FOCAD: variants seen among roughly 807,000 people sequenced by gnomAD.
FOCAD encodes the protein KIAA1797.
A neutral mutation model predicts 225.6 loss-of-function variants in FOCAD; 198 were observed. The observed-to-expected ratio is 0.88, with a 90% CI of 0.78 to 0.99. The LOEUF (loss-of-function observed/expected upper bound fraction) is 0.99, where lower values mean the gene tolerates loss of function less well. Ranked by LOEUF, FOCAD falls within the 50% of genes least tolerant of loss-of-function variation. FOCAD has a pLI of 0.00. For missense variants in FOCAD, 2,713 were observed against 2,123.6 expected, an observed-to-expected ratio of 1.28 and a Z score of -5.46; for synonymous variants, 897 against 755.0, an observed-to-expected ratio of 1.19 and a Z score of -3.08.
At chr9:20,895,553 C>T (rs1006620113) in intron 21 of FOCAD, among the ~76,000 whole-genome samples, 1 of 151,358 alleles carries the variant, frequency 6.6e-6, no homozygotes, top group Non-Finnish European at 1.5e-5. Context: ...ATATATATGT[C>T]TGCGCATATA....
chr9:20,986,387 C>A lies in FOCAD; in HGVS notation c.4828C>A (p.His1610Asn), dbSNP rs1214093027. Residue 1610 changes from histidine (H) to asparagine (N), a missense_variant, in exon 40 of 44, where the codon CAC becomes AAC. Transcript: ENST00000338382. ...CGATATGCTGAGCGTTGCTGTGCAG[C>A]ACCGTGAGAAAGAGGTGTTGGCCTG... ...LTDMLSVAVQ[H>N]REKEVLAWMI... 1.2e-6 allele frequency: 2 copies of A among 1,611,044 alleles called. No individual in the cohort carries two copies.
intron 21 of FOCAD, among the ~76,000 whole-genome samples, chr9:20,901,192 A>G (rs3086566): frequency 1.5e-3 from 157 of 105,756 alleles, no homozygotes; most frequent in East Asian, 5.9e-3. Context: ...TGTGGAAACA[A>G]TGTGTGTGTG....
chr9:20,838,864 G>T (rs1032340236), intron 15 of FOCAD, among the ~76,000 whole-genome samples: 11 of 152,114 alleles, frequency 7.2e-5, no homozygotes, highest in Non-Finnish European at 1.6e-4. Flanking sequence ...GGTATGGAAA[G>T]AAAATATTAG....
chr9:20,700,222 A>G (rs1229122618), intron 1 of FOCAD, among the ~76,000 whole-genome samples: 1 of 152,038 alleles, frequency 6.6e-6, no homozygotes, highest in African/African-American at 2.4e-5. Context: ...TTTTTAAAGG[A>G]TTGTAATAAA....
At chr9:20,710,405 C>G (rs976414893) in intron 1 of FOCAD, among the ~76,000 whole-genome samples, 24 of 151,598 alleles carry the variant, frequency 1.6e-4, no homozygotes, top group Middle Eastern at 3.4e-3. Context: ...AGACCAGCCT[C>G]GCCAACATGG....
At chr9:20,887,253 G>A (rs888109303) in intron 21 of FOCAD, among the ~76,000 whole-genome samples, 5 of 125,482 alleles carry the variant, frequency 4.0e-5, no homozygotes. Context: ...TTTTTTTTTT[G>A]AGATGAAGTC....
intron 21 of FOCAD, among the ~76,000 whole-genome samples, chr9:20,896,262 A>C (rs887332764): frequency 2.0e-5 from 3 of 151,782 alleles, no homozygotes; most frequent in South Asian, 2.1e-4. Context: ...TAATTTGCGT[A>C]TATTTTGTTG....
At position 20,898,889 on chromosome 9, in the gene FOCAD, C is replaced by T. The variant is rs368611951; in HGVS notation, c.2626-8261C>T. Among the ~76,000 whole-genome samples the T allele has an allele frequency of 4.0e-5, 6 of 151,768 alleles. No homozygotes were observed. The East Asian group carries it at 7.8e-4, about 20-fold the overall frequency. On this transcript the variant is annotated intron_variant, in intron 21 of 43. Transcript: ENST00000338382. ...TGGGGGAGTAGAGTCATTCCATAACCCTATAATTAGGTCTCAATCTCATAG... is the reference window on the plus strand; with the variant it reads ...TGGGGGAGTAGAGTCATTCCATAACTCTATAATTAGGTCTCAATCTCATAG...
chr9:20,777,180 T>C (rs192488868), intron 8 of FOCAD, among the ~76,000 whole-genome samples: 9 of 152,274 alleles, frequency 5.9e-5, no homozygotes, highest in Non-Finnish European at 1.0e-4. Flanking sequence ...TAGAGGGTAT[T>C]TGTTAGTTTG....
At chr9:20,993,177 A>G (rs933759173) in intron 42 of FOCAD, 76 bp from the exon 43 acceptor site, 2 of 1,221,112 alleles carry the variant, frequency 1.6e-6, no homozygotes, top group Admixed American at 1.8e-5. Context: ...TCATATATAT[A>G]GGTCCAAGGG....
At chr9:20,806,232 G>T (rs1439166957) in intron 11 of FOCAD, among the ~76,000 whole-genome samples, 3 of 152,146 alleles carry the variant, frequency 2.0e-5, no homozygotes, top group Non-Finnish European at 4.4e-5. Flanking sequence ...AGATGACTTA[G>T]TGCTGATGGG....
intron 5 of FOCAD, 66 bp from the exon 6 acceptor site, chr9:20,758,024 T>C (rs1829216958): frequency 9.8e-7 from 1 of 1,024,560 alleles, no homozygotes; most frequent in Admixed American, 2.3e-5. Context: ...TTTGCTGCTA[T>C]ATTTGGATAT....
At chr9:20,662,707 C>T (rs1158508533) in intron 2 of FOCAD, among the ~76,000 whole-genome samples, 1 of 152,072 alleles carries the variant, frequency 6.6e-6, no homozygotes, top group African/African-American at 2.4e-5. Context: ...GCCTTGGTCT[C>T]CCAAAGTGCT....
intron 8 of FOCAD, among the ~76,000 whole-genome samples, chr9:20,772,452 A>T (rs1465637993): frequency 1.3e-5 from 2 of 152,124 alleles, no homozygotes; most frequent in African/African-American, 4.8e-5. Context: ...TTTACTGATA[A>T]AGAGGAATCT....
chr9:20,785,786 A>C (rs1425163814), intron 10 of FOCAD, among the ~76,000 whole-genome samples: 3 of 152,188 alleles, frequency 2.0e-5, no homozygotes, highest in African/African-American at 7.2e-5. Flanking sequence ...TACAACTGCT[A>C]GGTAAGGTGA....
chr9:20,714,349 A>G (rs1825125555), intron 1 of FOCAD, among the ~76,000 whole-genome samples: 1 of 152,142 alleles, frequency 6.6e-6, no homozygotes, highest in African/African-American at 2.4e-5. Context: ...TCATTACAAT[A>G]TGCTTTGTTT....
chr9:20,881,873 T>G lies in FOCAD; in HGVS notation c.2320T>G (p.Leu774Val), dbSNP rs758290540. The stretch of plus-strand genomic sequence containing the variant: ...GGTCTCCTTTTATCCTCTTTTAGCT[T>G]TGGAGGAATTTTTTACATCACTTGT... The part of the protein sequence containing the change: ...SLTPPLVLPA[L>V]EEFFTSLVKQ... Residue 774 changes from leucine (L) to valine (V), a missense_variant and splice_region_variant, in exon 20 of 44, where the codon TTG becomes GTG. By Grantham distance (32) the Leu-to-Val change is conservative. Coordinates refer to ENST00000338382, the MANE Select transcript of FOCAD (RefSeq NM_001375567.1). 2 of 1,612,236 alleles carry G rather than the reference T, an allele frequency of 1.2e-6. No homozygotes were observed. The highest frequency in any genetic ancestry group is 2.7e-5 in the African/African-American group (2 of 74,760).
intron 15 of FOCAD, among the ~76,000 whole-genome samples, chr9:20,861,017 G>A (rs559160269): frequency 1.3e-5 from 2 of 151,712 alleles, no homozygotes; most frequent in African/African-American, 2.4e-5. Context: ...CCATTTTCTT[G>A]TGGCATGGCT....
intron 1 of FOCAD, among the ~76,000 whole-genome samples, chr9:20,691,324 T>A (rs758459755): frequency 6.6e-6 from 1 of 152,114 alleles, no homozygotes; most frequent in Non-Finnish European, 1.5e-5. Context: ...TCATTGTCCC[T>A]TTTTAGACTC....
Sources: allele counts gnomAD v4.1 joint callset (sites outside exome capture counted in the v4.1 genomes callset), GRCh38; gene constraint gnomAD v4.1.1; transcripts MANE v1.5; gene names NCBI Gene and HGNC (gene_info 2026-07-23, HGNC 2026-07-21).